The following ALG14 variants were observed in gnomAD, a reference collection of about 807,000 sequenced individuals.
ALG14 encodes ALG14 UDP-N-acetylglucosaminyltransferase subunit, also known as UDP-N-acetylglucosamine transferase subunit ALG14.
ALG14 carries 17 observed loss-of-function variants against 22.8 expected under a neutral mutation model. The observed-to-expected ratio is 0.75, with a 90% CI of 0.51 to 1.12. ALG14 has a LOEUF of 1.12. Ranked by LOEUF, ALG14 falls within the 50% of genes most tolerant of loss-of-function variation. The pLI, the probability that ALG14 is intolerant of heterozygous loss-of-function variation, is 0.00. For missense variants in ALG14, 288 were observed against 271.8 expected, an observed-to-expected ratio of 1.06 and a Z score of -0.42; for synonymous variants, 89 against 103.7, an observed-to-expected ratio of 0.86 and a Z score of 0.86.
chr1:94,994,132 C>T (rs1471129691), intron 3 of ALG14, among the ~76,000 whole-genome samples: 1 of 152,222 alleles, frequency 6.6e-6, no homozygotes, highest in African/African-American at 2.4e-5. Flanking sequence ...ATCAGGCTAA[C>T]CAAACATTGT....
At chr1:95,028,951 G>C (rs959925983) in intron 2 of ALG14, among the ~76,000 whole-genome samples, 3 of 152,134 alleles carry the variant, frequency 2.0e-5, no homozygotes, top group African/African-American at 7.2e-5. Context: ...TCATAATCAA[G>C]AGAAACCAAC....
chr1:95,058,262 G>GA (rs1257019281), intron 2 of ALG14, among the ~76,000 whole-genome samples: 1 of 111,350 alleles, frequency 9.0e-6, no homozygotes, highest in Admixed American at 1.3e-4. Context: ...CTCTAGCCTG[G>GA]CAACAAAGCG....
chr1:95,051,603 TCTTAAAAGAC>T (rs1249709296), intron 2 of ALG14, among the ~76,000 whole-genome samples: 1 of 152,084 alleles, frequency 6.6e-6, no homozygotes, highest in Non-Finnish European at 1.5e-5. Flanking sequence ...AACAACAAGG[TCTTAAAAGAC>T]CTAAGCCTAA....
At chr1:95,042,569 G>A (rs1247371242) in intron 2 of ALG14, among the ~76,000 whole-genome samples, 1 of 152,226 alleles carries the variant, frequency 6.6e-6, no homozygotes, top group Non-Finnish European at 1.5e-5. Flanking sequence ...CTGGAACTGA[G>A]TCTCCCTTTT....
chr1:95,037,297 A>C (rs1674231721), intron 2 of ALG14, among the ~76,000 whole-genome samples: 1 of 152,170 alleles, frequency 6.6e-6, no homozygotes, highest in Admixed American at 6.5e-5. Context: ...GAATGGCTGA[A>C]GCAACATGGA....
At chr1:95,027,001 G>T (rs942079107) in intron 3 of ALG14, 128 bp downstream of exon 3, 3 of 1,208,544 alleles carry the variant, frequency 2.5e-6, no homozygotes, top group African/African-American at 3.1e-5. Context: ...GCACCAGCCA[G>T]TTCAGGGTCT....
At chr1:95,027,548 C>T (rs1673859219) in intron 2 of ALG14, among the ~76,000 whole-genome samples, 1 of 152,148 alleles carries the variant, frequency 6.6e-6, no homozygotes, top group Non-Finnish European at 1.5e-5. Context: ...ATTTAACCTG[C>T]TGATATACAA....
rs1285721248 is a variant in ALG14, at chr1:95,058,324, GAGATGATAGCCGGGCGT to G, written c.288+6525_288+6541del. Among the ~76,000 whole-genome samples the G allele has an allele frequency of 1.2e-4, 16 of 129,370 alleles. No homozygotes were observed. The South Asian group carries it at 4.3e-3, about 35-fold the overall frequency. 84.9% of individuals were successfully genotyped at this position (129,370 alleles called of 152,430 possible). A position where few individuals can be genotyped will look rare whatever the true frequency, so the allele number is the denominator to read the frequency against. ...AAAAAAAAAAAAAAAGATATTTTCAGAGATGATAGCCGGGCGTAGTGGCTCATGCTTGTAATCCCAGC... is the reference window on the plus strand; with the variant it reads ...AAAAAAAAAAAAAAAGATATTTTCAGAGTGGCTCATGCTTGTAATCCCAGC... On this transcript the variant is annotated intron_variant, in intron 2 of 3. Transcript: ENST00000370205.
At chr1:95,006,311 T>C (rs1471443659) in intron 3 of ALG14, among the ~76,000 whole-genome samples, 1 of 152,226 alleles carries the variant, frequency 6.6e-6, no homozygotes, top group Non-Finnish European at 1.5e-5. Context: ...AATTAGAGCA[T>C]TTTATTACAC....
At chr1:95,066,364 C>G (rs928763645) in intron 1 of ALG14, among the ~76,000 whole-genome samples, 4 of 152,116 alleles carry the variant, frequency 2.6e-5, no homozygotes, top group African/African-American at 7.2e-5. Context: ...GCTGCAATTA[C>G]ATGCGTGTGC....
At chr1:95,057,786 T>C (rs1329617385) in intron 2 of ALG14, among the ~76,000 whole-genome samples, 4 of 151,148 alleles carry the variant, frequency 2.6e-5, no homozygotes, top group African/African-American at 9.8e-5. Context: ...AAAGAATTAA[T>C]AAGAAAACAG....
At chr1:95,040,705 T>TA (rs112426813) in intron 2 of ALG14, among the ~76,000 whole-genome samples, 12 of 151,878 alleles carry the variant, frequency 7.9e-5, no homozygotes, top group East Asian at 3.9e-4. Flanking sequence ...ATTTTTTTTT[T>TA]AATTGTGCTA....
At chr1:95,006,143 C>A (rs1673212464) in intron 3 of ALG14, among the ~76,000 whole-genome samples, 1 of 152,176 alleles carries the variant, frequency 6.6e-6, no homozygotes, top group African/African-American at 2.4e-5. Context: ...TGAACCCGGA[C>A]TGGTCTGAAT....
intron 2 of ALG14, among the ~76,000 whole-genome samples, chr1:95,060,714 TA>T (rs931484737): frequency 4.0e-5 from 6 of 149,542 alleles, no homozygotes; most frequent in African/African-American, 1.2e-4. Context: ...AGACTCTGTT[TA>T]AAAAAAAAAC....
intron 3 of ALG14, among the ~76,000 whole-genome samples, chr1:95,004,024 C>G (rs1557947712): frequency 6.6e-6 from 1 of 152,014 alleles, no homozygotes; most frequent in Non-Finnish European, 1.5e-5. Context: ...ATATTTCAAA[C>G]TTTGTTTTAA....
intron 1 of ALG14, 97 bp from the exon 2 acceptor site, chr1:95,065,114 G>T (rs72720257): frequency 3.8e-5 from 40 of 1,051,652 alleles, no homozygotes; most frequent in Non-Finnish European, 4.9e-5. Flanking sequence ...GGTTGGGGGT[G>T]GGGGGGCACT....
At chr1:95,058,311 A>T (rs1423912053) in intron 2 of ALG14, among the ~76,000 whole-genome samples, 1 of 149,170 alleles carries the variant, frequency 6.7e-6, no homozygotes, top group Non-Finnish European at 1.5e-5. Context: ...AAAAAAAAAA[A>T]AAGATATTTT....
At chr1:95,065,095 A>C in intron 1 of ALG14, 78 bp from the exon 2 acceptor site, 2 of 1,310,632 alleles carry the variant, frequency 1.5e-6, no homozygotes, top group East Asian at 2.6e-5. Context: ...TACCAATATC[A>C]TGGTTTCAGG....
chr1:95,065,059 A>G (rs188453904), intron 1 of ALG14, 42 bp from the exon 2 acceptor site: 252 of 1,568,198 alleles, frequency 1.6e-4, no homozygotes, highest in Non-Finnish European at 2.0e-4. Context: ...GAAACCCACA[A>G]TGGACATATC....
Sources: gnomAD v4.1 joint callset for allele counts (sites outside exome capture counted in the v4.1 genomes callset) on GRCh38, gnomAD v4.1.1 for gene constraint, MANE v1.5 for transcripts, NCBI Gene and HGNC (gene_info 2026-07-23, HGNC 2026-07-21) for gene names.